The following CRB2 variants were observed in gnomAD, a reference collection of about 807,000 sequenced individuals.
The protein encoded by CRB2 is crumbs cell polarity complex component 2, also known as protein crumbs homolog 2.
Under a neutral mutation model 110.9 loss-of-function variants are expected in CRB2, and 85 were observed. The ratio of observed to expected loss-of-function variants is 0.77; its 90% CI spans 0.64 to 0.92. The LOEUF is 0.92. Ranked by LOEUF, CRB2 falls within the 40% of genes least tolerant of loss-of-function variation. CRB2 has a pLI of 0.00. For synonymous variants in CRB2, 907 were observed against 831.0 expected, an observed-to-expected ratio of 1.09 and a Z score of -1.57; for missense variants, 1,843 against 1,851.3, an observed-to-expected ratio of 1.00 and a Z score of 0.08.
At chr9:123,369,986 T>C in intron 6 of CRB2, 122 bp from the exon 7 acceptor site, 1 of 1,198,848 alleles carries the variant, frequency 8.3e-7, no homozygotes, top group Admixed American at 2.3e-5. Flanking sequence ...TGAGAAATCC[T>C]CTGGGAATTG....
At chr9:123,375,182 G>A in intron 11 of CRB2, 35 bp from the exon 12 acceptor site, 1 of 1,611,080 alleles carries the variant, frequency 6.2e-7, no homozygotes, top group Non-Finnish European at 8.5e-7. Flanking sequence ...GCAGCCATGG[G>A]GGAAGCCGCT....
At chr9:123,355,305 G>A (rs2132721676), upstream of CRB2, among the ~76,000 whole-genome samples, 1 of 152,250 alleles carries the variant, frequency 6.6e-6, no homozygotes, top group Non-Finnish European at 1.5e-5. Flanking sequence ...ACAACAAGAA[G>A]GACTTCCTGG....
chr9:123,358,793 C>T (rs939167214), intron 1 of CRB2, among the ~76,000 whole-genome samples: 8 of 152,214 alleles, frequency 5.3e-5, no homozygotes, highest in African/African-American at 9.6e-5. Flanking sequence ...CTCTACAAAA[C>T]GAGGACAGAC....
intron 6 of CRB2, 112 bp downstream of exon 6, chr9:123,367,798 G>T (rs2041959549): frequency 1.4e-6 from 1 of 730,036 alleles, no homozygotes; most frequent in Non-Finnish European, 2.3e-6. Context: ...CAGGGAGGAG[G>T]TGGGTATGGT....
chr9:123,373,248 A>G lies in CRB2; in HGVS notation c.2717A>G (p.Glu906Gly), dbSNP rs752200984. ...LSLAFRTRDSEAWLLRAAAGA... is the reference protein window; with the variant it reads ...LSLAFRTRDSGAWLLRAAAGA... ...CTGGCCTTTCGCACGCGCGACTCCGAGGCCTGGCTGCTGCGTGCCGCGGCG... is the reference window on the plus strand; with the variant it reads ...CTGGCCTTTCGCACGCGCGACTCCGGGGCCTGGCTGCTGCGTGCCGCGGCG... Residue 906 changes from glutamate (E) to glycine (G), a missense_variant, in exon 10 of 13, where the codon GAG (glutamate) becomes GGG (glycine). Glu to Gly is a moderately conservative substitution (Grantham distance 98). Transcript: ENST00000373631. 3 of 1,499,810 alleles carry G rather than the reference A, an allele frequency of 2.0e-6. No homozygotes were observed. Among genetic ancestry groups the G allele is most frequent in the South Asian group, 2.5e-5 (2 of 80,572 alleles). The allele number at this position is 1,499,810 out of a possible 1,614,324, so 92.9% of individuals were successfully genotyped here.
rs1330639989 is a variant in CRB2 at position 123,356,364 on chromosome 9, G to A, written c.94+10G>A. ...CTTTCCCTCCTGGCTGGTGAGTTGGGGCCCATGTCTGGAGGGGCCTGGGAG... is the reference window on the plus strand; with the variant it reads ...CTTTCCCTCCTGGCTGGTGAGTTGGAGCCCATGTCTGGAGGGGCCTGGGAG... On this transcript the variant is annotated intron_variant, in intron 1 of 12. Transcript: ENST00000373631. The A allele has an allele frequency of 1.3e-6, 2 of 1,539,282 alleles. No individual in the cohort carries two copies. Among genetic ancestry groups the A allele is most frequent in the Non-Finnish European group, 1.8e-6 (2 of 1,142,780 alleles).
intron 1 of CRB2, 96 bp from the exon 2 acceptor site, chr9:123,362,769 T>A: frequency 8.2e-7 from 1 of 1,221,426 alleles, no homozygotes; most frequent in Non-Finnish European, 1.1e-6. Context: ...GAGACCCACG[T>A]TGCTTTTGGG....
chr9:123,374,192 C>T, intron 10 of CRB2: 2 of 612,698 alleles, frequency 3.3e-6, no homozygotes, highest in South Asian at 3.8e-5. Flanking sequence ...CTATTGGTGG[C>T]TGGTTGGGGT....
At chr9:123,371,619 C>T in intron 8 of CRB2, 41 bp downstream of exon 8, 1 of 1,605,818 alleles carries the variant, frequency 6.2e-7, no homozygotes, top group African/African-American at 1.3e-5. Flanking sequence ...GGTGGGGAGT[C>T]CTTTTCCCAG....
chr9:123,367,277 G>T lies in CRB2; in HGVS notation c.860G>T (p.Gly287Val), dbSNP rs1442571958. 1 of 1,601,274 alleles carries T rather than the reference G, an allele frequency of 6.2e-7. No individual in the cohort carries two copies. The change falls in exon 5 of 13, where the codon GGT (glycine) becomes GTT (valine). Residue 287 changes from glycine (G) to valine (V), a missense_variant. Coordinates refer to ENST00000373631, the MANE Select transcript of CRB2 (RefSeq NM_173689.7). ...LQRSDPALYG[G>V]VQAAFPGAFS... ...CGCTCTGACCCGGCCCTCTACGGGG[G>T]TGTCCAGGCCGCCTTCCCTGGCGCC... is the stretch of plus-strand genomic sequence containing the variant.
At chr9:123,378,819 T>TG (rs1564383035), downstream of CRB2, 26 of 128,726 alleles carry the variant, frequency 2.0e-4, 1 homozygote, top group East Asian at 3.2e-3. Context: ...TTTTTTTTTT[T>TG]TTTTTTTTTT....
intron 11 of CRB2, 112 bp from the exon 12 acceptor site, chr9:123,375,105 G>A (rs1401717425): frequency 1.3e-6 from 2 of 1,511,294 alleles, no homozygotes; most frequent in Non-Finnish European, 9.0e-7. Context: ...CATGGGGACA[G>A]TGGATGGATA....
rs1040869162 is a variant in CRB2 at position 123,366,074 on chromosome 9, G to A, written c.576G>A (p.Pro192=). The stretch of plus-strand genomic sequence containing the variant: ...ACCTCGACGAGTGCCAGAGCCAGCC[G>A]TGCGCACATGGGGGCACGTGCCACG... ...QLDLDECQSQ[P]CAHGGTCHDL... is the part of the protein sequence containing the mutation. The change falls in exon 3 of 13, where the codon CCG becomes CCA. Residue 192 remains proline (P), a synonymous_variant. Coordinates refer to ENST00000373631, the MANE Select transcript of CRB2 (RefSeq NM_173689.7). 1.3e-5 allele frequency: 21 copies of A among 1,559,716 alleles called. No homozygotes were observed. The highest frequency in any genetic ancestry group is 4.6e-5 in the South Asian group (4 of 86,234).
Position 123,374,671 on chromosome 9 carries a change from G to C in CRB2, c.3482G>C (p.Cys1161Ser), listed in dbSNP as rs1204078183. Residue 1161 changes from cysteine to serine, a missense_variant, in exon 11 of 13, where the codon TGC becomes TCC. Coordinates refer to ENST00000373631, the MANE Select transcript of CRB2 (RefSeq NM_173689.7). Reference sequence around the variant, plus strand: ...GGCTCTCCCGCTGCCAACTGCAGCTGCCTGGAGGGTCTTGCTGGCCAGAGG... The same window carrying C: ...GGCTCTCCCGCTGCCAACTGCAGCTCCCTGGAGGGTCTTGCTGGCCAGAGG... ...EGGSPAANCSCLEGLAGQRCQ... is the reference protein window; with the variant it reads ...EGGSPAANCSSLEGLAGQRCQ... 6.2e-7 allele frequency: 1 copy of C among 1,611,582 alleles called. No individual in the cohort carries two copies. The highest frequency in any genetic ancestry group is 2.2e-5 in the East Asian group (1 of 44,884).
At position 123,371,347 on chromosome 9, in the gene CRB2, T is replaced by G; in HGVS notation, c.2205T>G (p.Pro735=). ...LRHLVMLSFG[P]DQLQDLGQHV... ...ACCTGGTGATGCTCAGCTTCGGGCC[T>G]GACCAGCTGCAGGACCTGGGGCAGC... Residue 735 remains proline (P), a synonymous_variant, in exon 8 of 13, where the codon CCT becomes CCG. Coordinates refer to ENST00000373631, the MANE Select transcript of CRB2 (RefSeq NM_173689.7). 1 of 1,605,272 alleles carries G rather than the reference T, an allele frequency of 6.2e-7. No homozygotes were observed. The highest frequency in any genetic ancestry group is 8.5e-7 in the Non-Finnish European group (1 of 1,175,118).
Position 123,376,985 on chromosome 9 carries a change from A to C in CRB2, c.3781A>C (p.Ser1261Arg). ...CCAGTCTGAGGGCACCTACAGCCCA[A>C]GCCAGCAGGAGGTGGCTGGGGCCCG... The part of the protein sequence containing the change: ...RRQSEGTYSP[S>R]QQEVAGARLE... Residue 1261 changes from serine to arginine, a missense_variant, in exon 13 of 13, where the codon AGC (serine) becomes CGC (arginine). Physicochemically the swap from Ser to Arg is moderately radical, Grantham distance 110. Transcript: ENST00000373631. 1 of 1,609,014 alleles carries C rather than the reference A, an allele frequency of 6.2e-7. No individual in the cohort carries two copies. The highest frequency in any genetic ancestry group is 8.5e-7 in the Non-Finnish European group (1 of 1,178,584).
chr9:123,358,982 G>A (rs532382582), intron 1 of CRB2, among the ~76,000 whole-genome samples: 178 of 152,260 alleles, frequency 1.2e-3, no homozygotes, highest in African/African-American at 4.0e-3. Context: ...AACCCCACCT[G>A]CTCTGTCTCC....
upstream of CRB2, chr9:123,356,148 C>T (rs10985984): frequency 1.6e-6 from 1 of 619,862 alleles, no homozygotes; most frequent in Non-Finnish European, 2.5e-6. Flanking sequence ...GAGGGAGGGG[C>T]TGGGCCTCTG....
At position 123,377,773 on chromosome 9, in the gene CRB2, C is replaced by G. The variant is rs180836322; in HGVS notation, c.*711C>G. On this transcript the variant is annotated 3_prime_UTR_variant, in exon 13 of 13. Coordinates refer to ENST00000373631, the MANE Select transcript of CRB2 (RefSeq NM_173689.7). ...CATGCGAGGGAACCACAGACCCACC[C>G]GCCCCCTCAGCCGGAGCAGCCCGAG... The G allele has an allele frequency of 6.6e-6, 1 of 152,292 alleles. No homozygotes were observed. Among genetic ancestry groups the G allele is most frequent in the Non-Finnish European group, 1.5e-5 (1 of 68,100 alleles). The allele number at this position is 152,292 out of a possible 1,614,324, so 9.4% of individuals were successfully genotyped here.
Sources: gnomAD v4.1 joint callset for allele counts (sites outside exome capture counted in the v4.1 genomes callset) on GRCh38, gnomAD v4.1.1 for gene constraint, MANE v1.5 for transcripts, NCBI Gene and HGNC (gene_info 2026-07-23, HGNC 2026-07-21) for gene names.